Variants in SAMD5 observed in about 807,000 individuals in gnomAD.
SAMD5 encodes the protein sterile alpha motif domain-containing protein 5.
SAMD5 carries 13 observed loss-of-function variants against 11.3 expected under a neutral mutation model. That is an observed-to-expected ratio of 1.15 (90% confidence interval 0.75 to 1.83). The LOEUF (loss-of-function observed/expected upper bound fraction) is 1.83. Ranked by LOEUF, SAMD5 falls within the 40% of genes most tolerant of loss-of-function variation. SAMD5 has a pLI of 0.00. For synonymous variants in SAMD5, 129 were observed against 111.3 expected (o/e 1.16, Z -1.00); for missense variants, 255 against 239.1 (o/e 1.07, Z -0.44).
intron 1 of SAMD5, among the ~76,000 whole-genome samples, chr6:147,627,017 T>A (rs1790066163): frequency 6.6e-6 from 1 of 152,142 alleles, no homozygotes; most frequent in African/African-American, 2.4e-5. Context: ...GGGAAACCCA[T>A]CCCTTTGCTA....
chr6:147,614,022 G>A (rs1309005669), intron 1 of SAMD5, among the ~76,000 whole-genome samples: 1 of 151,934 alleles, frequency 6.6e-6, no homozygotes, highest in Admixed American at 6.5e-5. Context: ...TTTTAAAGAA[G>A]GCAACAAGAG....
the SAMD5 span, among the ~76,000 whole-genome samples, chr6:147,900,586 G>C: frequency 4.6e-5 from 7 of 152,202 alleles, no homozygotes; most frequent in African/African-American, 1.7e-4. Flanking sequence ...CTGCCGAGGA[G>C]GAATGAAGAA....
At chr6:147,930,363 A>G in the SAMD5 span, among the ~76,000 whole-genome samples, 1 of 152,062 alleles carries the variant, frequency 6.6e-6, no homozygotes, top group South Asian at 2.1e-4. Context: ...CCAGTTCCAA[A>G]GCCACTTCCA....
intron 1 of SAMD5, among the ~76,000 whole-genome samples, chr6:147,734,711 T>TAAAAAAAAAAAAAAAAAAAAAAAAAAA (rs61482319): frequency 3.8e-5 from 1 of 26,100 alleles, no homozygotes; most frequent in African/African-American, 9.3e-5. Flanking sequence ...AGACTCCATC[T>TAAAAAAAAAAAAAAAAAAAAAAAAAAA]AAAAAAAAAA....
chr6:147,524,159 T>C (rs1207699692), intron 1 of SAMD5, among the ~76,000 whole-genome samples: 4 of 152,262 alleles, frequency 2.6e-5, no homozygotes, highest in South Asian at 4.2e-4. Context: ...TGATCCTTCA[T>C]GTTGATATAC....
intron 1 of SAMD5, among the ~76,000 whole-genome samples, chr6:147,733,037 A>T (rs1406461): frequency 0.53 from 80,794 of 152,066 alleles, 22,358 homozygotes; most frequent in Middle Eastern, 0.65. Flanking sequence ...GTGTCAACTG[A>T]TTCCATTTCA....
the SAMD5 span, among the ~76,000 whole-genome samples, chr6:147,763,414 G>A: frequency 1.3e-5 from 2 of 151,780 alleles, no homozygotes; most frequent in South Asian, 2.1e-4. Flanking sequence ...TGCCCGCCTC[G>A]GCCTCTCAAA....
rs1789212852 is a variant in SAMD5, at chr6:147,576,085, A to G, written c.162+66698A>G. Among the ~76,000 whole-genome samples, 5 of 152,094 alleles carry G rather than the reference A, an allele frequency of 3.3e-5. No individual in the cohort carries two copies. In the South Asian group the frequency reaches 1.0e-3, roughly 31 times the overall value. On this transcript the variant is annotated intron_variant, in intron 1 of 1. Coordinates refer to the SAMD5 transcript ENST00000566741. Reference sequence around the variant, plus strand: ...TGTTTTCATTAGAATTCTAAGTGGCAGCTCAAAATTTACTATTTGGCCTTT... The same window carrying G: ...TGTTTTCATTAGAATTCTAAGTGGCGGCTCAAAATTTACTATTTGGCCTTT...
the SAMD5 span, among the ~76,000 whole-genome samples, chr6:147,940,082 A>T: frequency 6.6e-6 from 1 of 152,122 alleles, no homozygotes; most frequent in East Asian, 1.9e-4. Flanking sequence ...AGTATGACCC[A>T]CTTTGGGAGC....
intron 1 of SAMD5, among the ~76,000 whole-genome samples, chr6:147,686,400 G>T (rs1459663254): frequency 6.6e-6 from 1 of 152,046 alleles, no homozygotes; most frequent in Non-Finnish European, 1.5e-5. Flanking sequence ...ATGCCATATT[G>T]TCATGCCTTT....
chr6:147,763,982 C>A, the SAMD5 span, among the ~76,000 whole-genome samples: 3 of 152,210 alleles, frequency 2.0e-5, no homozygotes, highest in South Asian at 6.2e-4. Context: ...TGGGTGCACA[C>A]GTGCACGCAG....
the SAMD5 span, among the ~76,000 whole-genome samples, chr6:147,753,911 T>A: frequency 1.3e-5 from 2 of 152,232 alleles, no homozygotes; most frequent in Non-Finnish European, 2.9e-5. Context: ...TGAATAGTAC[T>A]CCATTGTGTA....
At chr6:147,919,943 A>T in the SAMD5 span, among the ~76,000 whole-genome samples, 2 of 152,190 alleles carry the variant, frequency 1.3e-5, no homozygotes, top group Non-Finnish European at 2.9e-5. Context: ...TTTTAGTATT[A>T]TACATGGTTT....
chr6:147,594,883 A>G (rs9986602), intron 1 of SAMD5, among the ~76,000 whole-genome samples: 7,429 of 152,260 alleles, frequency 0.049, 548 homozygotes, highest in African/African-American at 0.16. Flanking sequence ...TTTATTAACT[A>G]TTTGTATATT....
chr6:147,870,828 G>A, the SAMD5 span, among the ~76,000 whole-genome samples: 1 of 133,008 alleles, frequency 7.5e-6, no homozygotes, highest in Non-Finnish European at 1.6e-5. Flanking sequence ...GAGGGGAGGG[G>A]AGGGAGGGAG....
chr6:147,880,178 G>A, the SAMD5 span, among the ~76,000 whole-genome samples: 1 of 152,220 alleles, frequency 6.6e-6, no homozygotes, highest in Admixed American at 6.5e-5. Flanking sequence ...AAGGTGTCAG[G>A]TAATCAGTCC....
chr6:147,857,322 G>A, the SAMD5 span, among the ~76,000 whole-genome samples: 2 of 149,522 alleles, frequency 1.3e-5, no homozygotes, highest in Non-Finnish European at 3.0e-5. Context: ...GAGCAACAAA[G>A]TGAGGCCCCT....
the SAMD5 span, among the ~76,000 whole-genome samples, chr6:147,859,347 A>T: frequency 7.2e-5 from 11 of 152,332 alleles, no homozygotes; most frequent in African/African-American, 2.6e-4. Flanking sequence ...AAACAATTGA[A>T]AGAACAAAGG....
At chr6:147,618,645 C>T (rs1789910742) in intron 1 of SAMD5, among the ~76,000 whole-genome samples, 1 of 152,192 alleles carries the variant, frequency 6.6e-6, no homozygotes, top group Non-Finnish European at 1.5e-5. Context: ...AACACCCAGT[C>T]CTTGGCGGGA....
Sources: gnomAD v4.1 joint callset for allele counts (sites outside exome capture counted in the v4.1 genomes callset) on GRCh38, gnomAD v4.1.1 for gene constraint, MANE v1.5 for transcripts, NCBI Gene and HGNC (gene_info 2026-07-23, HGNC 2026-07-21) for gene names.